The following RCL1 variants were observed in gnomAD, a reference collection of about 807,000 sequenced individuals.
RCL1 encodes RNA terminal phosphate cyclase like 1.
Under a neutral mutation model 42.4 loss-of-function variants are expected in RCL1, and 24 were observed. The ratio of observed to expected loss-of-function variants is 0.57; its 90% CI spans 0.41 to 0.80. RCL1 has a LOEUF of 0.80. Ranked by LOEUF, RCL1 falls within the 30% of genes least tolerant of loss-of-function variation. The pLI is 0.00. For missense variants in RCL1, 578 were observed against 467.9 expected (o/e 1.24, Z -2.17); for synonymous variants, 228 against 177.3 (o/e 1.29, Z -2.27).
At chr9:4,815,840 G>A (rs570561840) in intron 1 of RCL1, among the ~76,000 whole-genome samples, 8 of 152,148 alleles carry the variant, frequency 5.3e-5, no homozygotes, top group Non-Finnish European at 1.2e-4. Flanking sequence ...AGGTCTGTAA[G>A]TGTCTAAGGT....
chr9:4,850,925 TGA>T (rs1167843728), intron 8 of RCL1, among the ~76,000 whole-genome samples: 2 of 152,230 alleles, frequency 1.3e-5, no homozygotes, highest in East Asian at 3.9e-4. Flanking sequence ...ACACACGGTA[TGA>T]GGTATGGGGT....
chr9:4,850,754 C>A (rs1817715719), intron 8 of RCL1, among the ~76,000 whole-genome samples: 1 of 152,002 alleles, frequency 6.6e-6, no homozygotes, highest in Non-Finnish European at 1.5e-5. Flanking sequence ...GAGATGAGGG[C>A]TGGAAGAATG....
At chr9:4,800,011 C>CT (rs1052061610) in intron 1 of RCL1, among the ~76,000 whole-genome samples, 1 of 152,050 alleles carries the variant, frequency 6.6e-6, no homozygotes. Context: ...TAAGGACTGG[C>CT]TTTTTTTCAG....
chr9:4,818,473 C>T (rs1241790698), intron 1 of RCL1, among the ~76,000 whole-genome samples: 3 of 151,924 alleles, frequency 2.0e-5, no homozygotes, highest in Admixed American at 6.6e-5. Flanking sequence ...TAATTTATTC[C>T]AAGAATTGAG....
At chr9:4,811,609 A>G (rs568589414) in intron 1 of RCL1, among the ~76,000 whole-genome samples, 2 of 152,166 alleles carry the variant, frequency 1.3e-5, no homozygotes, top group East Asian at 3.8e-4. Context: ...GTTCTTTTTT[A>G]TAGCTAAACA....
At chr9:4,858,555 G>C (rs982191705) in intron 8 of RCL1, among the ~76,000 whole-genome samples, 11 of 152,250 alleles carry the variant, frequency 7.2e-5, no homozygotes, top group African/African-American at 2.6e-4. Flanking sequence ...GTGAGGAAGG[G>C]GCCCAGCTTC....
At chr9:4,797,245 C>T (rs1232003870) in intron 1 of RCL1, among the ~76,000 whole-genome samples, 1 of 152,194 alleles carries the variant, frequency 6.6e-6, no homozygotes, top group African/African-American at 2.4e-5. Flanking sequence ...GTGTACTGAA[C>T]AGTGCCTGGC....
intron 4 of RCL1, among the ~76,000 whole-genome samples, chr9:4,833,794 A>G (rs565519480): frequency 3.0e-3 from 453 of 152,288 alleles, no homozygotes; most frequent in African/African-American, 9.8e-3. Flanking sequence ...TAGATCCGTT[A>G]TTTGCATGGG....
At chr9:4,856,541 T>A (rs1342098572) in intron 8 of RCL1, among the ~76,000 whole-genome samples, 1 of 152,132 alleles carries the variant, frequency 6.6e-6, no homozygotes, top group Non-Finnish European at 1.5e-5. Flanking sequence ...AAAGCATTGC[T>A]GTTGAGGTAC....
At chr9:4,818,012 C>G (rs1245588705) in intron 1 of RCL1, among the ~76,000 whole-genome samples, 6 of 145,154 alleles carry the variant, frequency 4.1e-5, no homozygotes, top group Non-Finnish European at 8.9e-5. Flanking sequence ...CTTCTGCCTC[C>G]TAGGTTCAAG....
intron 4 of RCL1, among the ~76,000 whole-genome samples, chr9:4,833,798 G>T (rs1817028963): frequency 6.6e-6 from 1 of 152,194 alleles, no homozygotes; most frequent in Admixed American, 6.5e-5. Context: ...TCCGTTATTT[G>T]CATGGGAGGA....
chr9:4,820,131 G>C (rs1189846614), intron 1 of RCL1, among the ~76,000 whole-genome samples: 1 of 152,176 alleles, frequency 6.6e-6, no homozygotes, highest in Non-Finnish European at 1.5e-5. Flanking sequence ...TTCATAAACA[G>C]TGTAGTAAAA....
At chr9:4,842,728 G>C (rs1239759059) in intron 6 of RCL1, among the ~76,000 whole-genome samples, 1 of 152,070 alleles carries the variant, frequency 6.6e-6, no homozygotes, top group African/African-American at 2.4e-5. Context: ...ACTCTCCCTT[G>C]TTGGCCACAG....
intron 1 of RCL1, 125 bp from the exon 2 acceptor site, chr9:4,823,423 G>A: frequency 1.5e-6 from 1 of 657,980 alleles, no homozygotes; most frequent in Non-Finnish European, 2.6e-6. Context: ...GAAAGCCCAG[G>A]TGTGATGCAG....
chr9:4,824,374 A>ATTTTT (rs71326141), intron 2 of RCL1, among the ~76,000 whole-genome samples: 8 of 120,280 alleles, frequency 6.7e-5, no homozygotes, highest in Admixed American at 8.9e-5. Context: ...TTCAGCCAGC[A>ATTTTT]TTTTTTTTTT....
intron 5 of RCL1, chr9:4,839,450 T>C (rs970530929): frequency 6.5e-6 from 1 of 152,990 alleles, no homozygotes; most frequent in Non-Finnish European, 1.5e-5. Flanking sequence ...GTGAAAGAAC[T>C]TTGGGAGCCG....
chr9:4,827,339 T>C (rs1184230457), intron 3 of RCL1: 6 of 1,117,950 alleles, frequency 5.4e-6, no homozygotes, highest in Non-Finnish European at 7.3e-6. Flanking sequence ...GCTGTATATG[T>C]GAGAGTGGAG....
intron 1 of RCL1, among the ~76,000 whole-genome samples, chr9:4,815,519 G>T (rs1372786581): frequency 6.6e-6 from 1 of 151,876 alleles, no homozygotes; most frequent in African/African-American, 2.4e-5. Flanking sequence ...GCCCAGTGGG[G>T]TGGGGTAGGG....
intron 5 of RCL1, chr9:4,836,648 G>T (rs7860874): frequency 0.14 from 21,225 of 151,980 alleles, 2,002 homozygotes; most frequent in East Asian, 0.38. Flanking sequence ...TTGTCAGGGC[G>T]GGGGTGGGTG....
Sources: allele counts gnomAD v4.1 joint callset (sites outside exome capture counted in the v4.1 genomes callset), GRCh38; gene constraint gnomAD v4.1.1; transcripts MANE v1.5; gene names NCBI Gene and HGNC (gene_info 2026-07-23, HGNC 2026-07-21).